Variants in GOLGA8T observed in about 807,000 individuals in gnomAD.
The protein encoded by GOLGA8T is golgin subfamily A member 8T.
In GOLGA8T, 17 loss-of-function variants were observed where a neutral mutation model predicts 52.0. The ratio of observed to expected loss-of-function variants is 0.33; its 90% CI spans 0.22 to 0.49. The LOEUF is 0.49. Ranked by LOEUF, GOLGA8T falls within the 20% of genes least tolerant of loss-of-function variation. The pLI is 0.99. For synonymous variants in GOLGA8T, 67 were observed against 169.5 expected, an observed-to-expected ratio of 0.40 and a Z score of 4.70; for missense variants, 154 against 462.1, an observed-to-expected ratio of 0.33 and a Z score of 6.11.
intron 12 of GOLGA8T, 54 bp downstream of exon 12, chr15:30,142,112 GT>G (rs2057751887): frequency 2.1e-6 from 1 of 478,420 alleles, no homozygotes; most frequent in African/African-American, 5.4e-5. Context: ...CCGGGCCTTT[GT>G]TTCCCCACCT....
intron 2 of GOLGA8T, among the ~76,000 whole-genome samples, chr15:30,137,238 C>T (rs965277704): frequency 6.8e-6 from 1 of 147,354 alleles, no homozygotes; most frequent in Non-Finnish European, 1.5e-5. Flanking sequence ...ATTAGCCAAG[C>T]GTGGTGGCGT....
chr15:30,140,794 A>G, intron 8 of GOLGA8T, 48 bp from the exon 9 acceptor site: 1 of 1,391,192 alleles, frequency 7.2e-7, no homozygotes, highest in Non-Finnish European at 9.9e-7. Context: ...CACTGTGTGG[A>G]AATGCCCAGG....
In GOLGA8T at chr15:30,145,703, G is replaced by T. The variant is rs1595424085; in HGVS notation, c.*136G>T. On this transcript the variant is annotated 3_prime_UTR_variant, in exon 19 of 19. Coordinates refer to ENST00000569052, the MANE Select transcript of GOLGA8T (RefSeq NM_001355469.2). ...TGATTATTTGTGTTTCTAATTTATA[G>T]TTTAAGTTTATTTGTAAAAAGTTAA... is the stretch of plus-strand genomic sequence containing the variant. The T allele has an allele frequency of 2.4e-5, 21 of 865,406 alleles. 2 individuals are homozygous for T. In the East Asian group the frequency reaches 5.6e-4, roughly 23 times the overall value. 53.6% of individuals were successfully genotyped at this position (865,406 alleles called of 1,614,324 possible). A position where few individuals can be genotyped will look rare whatever the true frequency, so the allele number is the denominator to read the frequency against.
chr15:30,142,749 C>A, intron 13 of GOLGA8T, among the ~76,000 whole-genome samples: 1 of 107,556 alleles, frequency 9.3e-6, no homozygotes, highest in Non-Finnish European at 1.7e-5. Flanking sequence ...TCAGCCTGGC[C>A]AATGTGGTAA....
Position 30,142,490 on chromosome 15 carries a change from G to T in GOLGA8T, c.1200+108G>T, listed in dbSNP as rs1178601395. ...AGAGGCAGCTTCCAGCCTGGGGGCT[G>T]GTGACCACAGCACCCCCCAGGGCAG... On this transcript the variant is annotated intron_variant, in intron 13 of 18. Coordinates refer to ENST00000569052, the MANE Select transcript of GOLGA8T (RefSeq NM_001355469.2). 1.3e-6 allele frequency: 2 copies of T among 1,531,630 alleles called. 1 individual carries two copies. The highest frequency in any genetic ancestry group is 2.9e-5 in the African/African-American group (2 of 67,810). The allele number at this position is 1,531,630 out of a possible 1,614,324, so 94.9% of individuals were successfully genotyped here.
Position 30,145,875 on chromosome 15 carries a change from CTT to C in GOLGA8T, c.*310_*311del. Among the ~76,000 whole-genome samples the C allele has an allele frequency of 1.0e-5, 1 of 97,184 alleles. No homozygotes were observed. Among genetic ancestry groups the C allele is most frequent in the Non-Finnish European group, 1.8e-5 (1 of 56,750 alleles). The allele number at this position is 97,184 out of a possible 152,430, so 63.8% of individuals were successfully genotyped here. On this transcript the variant is annotated 3_prime_UTR_variant, in exon 19 of 19. Transcript: ENST00000569052. ...GAGTTCAAACACACAAAGACCCACT[CTT>C]TGCCCAAAACTGTTCTCTTTGGTTT...
chr15:30,142,637 G>T (rs1232625146), intron 13 of GOLGA8T, among the ~76,000 whole-genome samples: 1 of 140,450 alleles, frequency 7.1e-6, no homozygotes, highest in African/African-American at 3.0e-5. Context: ...AAGAGACAGT[G>T]GTATAACAGG....
At chr15:30,144,633 T>C in intron 15 of GOLGA8T, 146 bp from the exon 16 acceptor site, 1 of 1,232,360 alleles carries the variant, frequency 8.1e-7, no homozygotes, top group Non-Finnish European at 1.1e-6. Flanking sequence ...GGGGCGAGTC[T>C]GTGAGTAGGG....
At chr15:30,145,116 AG>A (rs2057807885) in intron 17 of GOLGA8T, 35 bp from the exon 18 acceptor site, 1 of 1,333,314 alleles carries the variant, frequency 7.5e-7, no homozygotes, top group African/African-American at 3.0e-5. Flanking sequence ...GGTGGGCGCA[AG>A]CAGCGGCATG....
At position 30,141,163 on chromosome 15, in the gene GOLGA8T, C is replaced by T. The variant is rs202149790; in HGVS notation, c.786+21C>T. 25 of 967,030 alleles carry T rather than the reference C, an allele frequency of 2.6e-5. 3 individuals carry two copies. Among genetic ancestry groups the T allele is most frequent in the African/African-American group, 8.6e-5 (3 of 34,720 alleles). 59.9% of individuals were successfully genotyped at this position (967,030 alleles called of 1,614,324 possible). On this transcript the variant is annotated intron_variant, in intron 10 of 18. Coordinates refer to ENST00000569052, the MANE Select transcript of GOLGA8T (RefSeq NM_001355469.2). ...AGGAGGTGAGATCTGACCCTTCAGCCCCCCCACATTAGATAGGTCACTGGA... is the reference window on the plus strand; with the variant it reads ...AGGAGGTGAGATCTGACCCTTCAGCTCCCCCACATTAGATAGGTCACTGGA...
chr15:30,142,444 G>C (rs2338478), intron 13 of GOLGA8T, 62 bp downstream of exon 13: 2 of 1,581,210 alleles, frequency 1.3e-6, no homozygotes, highest in Non-Finnish European at 8.5e-7. Context: ...AGCAGACTCT[G>C]GGGAGGGGAG....
chr15:30,143,466 G>A, intron 13 of GOLGA8T, 140 bp from the exon 14 acceptor site: 3 of 1,472,390 alleles, frequency 2.0e-6, no homozygotes, highest in Non-Finnish European at 1.8e-6. Context: ...TGCAGCAGCA[G>A]GAAGCTTGGG....
chr15:30,142,290 T>C (rs751764167), intron 12 of GOLGA8T, 24 bp from the exon 13 acceptor site: 1 of 1,445,660 alleles, frequency 6.9e-7, no homozygotes, highest in East Asian at 2.5e-5. Context: ...AGTGGGTGGC[T>C]GCTGATTGCT....
At chr15:30,141,628 C>G (rs2057745577) in intron 11 of GOLGA8T, among the ~76,000 whole-genome samples, 174 bp from the exon 12 acceptor site, 2 of 127,232 alleles carry the variant, frequency 1.6e-5, no homozygotes, top group South Asian at 4.9e-4. Flanking sequence ...CCGTTGTCAG[C>G]CACCCGCAGT....
intron 8 of GOLGA8T, among the ~76,000 whole-genome samples, 178 bp from the exon 9 acceptor site, chr15:30,140,664 C>G (rs2057730368): frequency 6.9e-6 from 1 of 145,790 alleles, no homozygotes; most frequent in African/African-American, 2.7e-5. Flanking sequence ...AATTCAATCT[C>G]ATTCCCTGTC....
Position 30,148,707 on chromosome 15 carries a change from C to A in GOLGA8T, c.*3140C>A, listed in dbSNP as rs2057848522. Among the ~76,000 whole-genome samples, 2 of 146,756 alleles carry A rather than the reference C, an allele frequency of 1.4e-5. No individual in the cohort carries two copies. The highest frequency in any genetic ancestry group is 1.4e-4 in the Admixed American group (2 of 14,786). Reference sequence around the variant, plus strand: ...TTCCCTAGAGTGGCCTTATTGACTGCTGGTGTGATGCCACTGTAATGTAAT... The same window carrying A: ...TTCCCTAGAGTGGCCTTATTGACTGATGGTGTGATGCCACTGTAATGTAAT... On this transcript the variant is annotated 3_prime_UTR_variant, in exon 19 of 19. Transcript: ENST00000569052.
chr15:30,141,504 G>T lies in GOLGA8T; in HGVS notation c.874+79G>T, dbSNP rs2057744203. Reference sequence around the variant, plus strand: ...GGGTGGCTTAGAGTGCCCCAGGGAGGTGGGTGGATGGAAGGGCTTTGAGGC... The same window carrying T: ...GGGTGGCTTAGAGTGCCCCAGGGAGTTGGGTGGATGGAAGGGCTTTGAGGC... On this transcript the variant is annotated intron_variant, in intron 11 of 18. Transcript: ENST00000569052. 11 of 1,206,674 alleles carry T rather than the reference G, an allele frequency of 9.1e-6. 2 individuals are homozygous for T. The African/African-American group carries it at 9.6e-5, about 11-fold the overall frequency. The allele number at this position is 1,206,674 out of a possible 1,614,324, so 74.7% of individuals were successfully genotyped here.
intron 1 of GOLGA8T, among the ~76,000 whole-genome samples, chr15:30,136,203 TG>T (rs2057687539): frequency 1.4e-5 from 2 of 144,588 alleles, no homozygotes; most frequent in Admixed American, 1.4e-4. Context: ...AAACTGAACT[TG>T]ACACCTTGAA....
At chr15:30,142,523 T>A in intron 13 of GOLGA8T, 141 bp downstream of exon 13, 1 of 1,475,206 alleles carries the variant, frequency 6.8e-7, no homozygotes, top group Non-Finnish European at 9.1e-7. Flanking sequence ...CAGTCCTGTT[T>A]CTTGCTTCCT....
Sources: allele counts gnomAD v4.1 joint callset (sites outside exome capture counted in the v4.1 genomes callset), GRCh38; gene constraint gnomAD v4.1.1; transcripts MANE v1.5; gene names NCBI Gene and HGNC (gene_info 2026-07-23, HGNC 2026-07-21).